TECPR2: variants seen among roughly 807,000 people sequenced by gnomAD.
TECPR2 encodes the protein tectonin beta-propeller repeat containing 2.
TECPR2 carries 65 observed loss-of-function variants against 138.1 expected under a neutral mutation model. The ratio of observed to expected loss-of-function variants is 0.47; its 90% CI spans 0.39 to 0.58. The LOEUF (loss-of-function observed/expected upper bound fraction) is 0.58, where lower values mean the gene tolerates loss of function less well. Ranked by LOEUF, TECPR2 falls within the 20% of genes least tolerant of loss-of-function variation. The pLI is 0.00. For missense variants in TECPR2, 1,553 were observed against 1,824.5 expected (o/e 0.85, Z 2.71); for synonymous variants, 746 against 749.8 (o/e 0.99, Z 0.08).
intron 2 of TECPR2, among the ~76,000 whole-genome samples, chr14:102,389,929 TG>T (rs1482706626): frequency 6.6e-6 from 1 of 152,208 alleles, no homozygotes; most frequent in Non-Finnish European, 1.5e-5. Context: ...TAAAAAGTTG[TG>T]TTAGTATTCA....
At position 102,501,184 on chromosome 14, in the gene TECPR2, G is replaced by A. The variant is rs993287128; in HGVS notation, c.*2927G>A. The A allele has an allele frequency of 6.6e-6, 1 of 152,236 alleles. No individual in the cohort carries two copies. The highest frequency in any genetic ancestry group is 1.5e-5 in the Non-Finnish European group (1 of 68,034). The allele number at this position is 152,236 out of a possible 1,614,324, so 9.4% of individuals were successfully genotyped here. A position where few individuals can be genotyped will look rare whatever the true frequency, so the allele number is the denominator to read the frequency against. On this transcript the variant is annotated 3_prime_UTR_variant, in exon 20 of 20. Transcript: ENST00000359520. Reference sequence around the variant, plus strand: ...GGCATCTCAGATGCGCTTAAGGAGCGGCGGGGGCGGGGCATGGGGGGTGTC... The same window carrying A: ...GGCATCTCAGATGCGCTTAAGGAGCAGCGGGGGCGGGGCATGGGGGGTGTC...
chr14:102,415,137 G>A lies in TECPR2; in HGVS notation c.638+344G>A, dbSNP rs1427098575. Among the ~76,000 whole-genome samples, 1 of 152,204 alleles carries A rather than the reference G, an allele frequency of 6.6e-6. No individual in the cohort carries two copies. The highest frequency in any genetic ancestry group is 1.5e-5 in the Non-Finnish European group (1 of 68,028). ...TCCACACAGCCCTGGTGAGGGGTCAGGGTTGTGGGGCTCACTCGTTATTCA... is the reference window on the plus strand; with the variant it reads ...TCCACACAGCCCTGGTGAGGGGTCAAGGTTGTGGGGCTCACTCGTTATTCA... On this transcript the variant is annotated intron_variant, in intron 5 of 19. Coordinates refer to ENST00000359520, the MANE Select transcript of TECPR2 (RefSeq NM_014844.5). The surrounding 1 kb of genome is among the most constrained non-coding windows in gnomAD (Gnocchi z 4.3).
At position 102,420,107 on chromosome 14, in the gene TECPR2, A is replaced by G. The variant is rs539736500; in HGVS notation, c.639-4872A>G. Among the ~76,000 whole-genome samples the G allele has an allele frequency of 1.3e-5, 2 of 152,294 alleles. No individual in the cohort carries two copies. Among genetic ancestry groups the G allele is most frequent in the South Asian group, 2.1e-4 (1 of 4,826 alleles). ...GCGTATCAGCTCTGTGGCACCATAC[A>G]TTATGCACAAAATCATAAAACACCA... On this transcript the variant is annotated intron_variant, in intron 5 of 19. Transcript: ENST00000359520. The surrounding 1 kb of genome is among the most constrained non-coding windows in gnomAD (Gnocchi z 4.1).
At chr14:102,397,719 C>A (rs1342176195) in intron 2 of TECPR2, among the ~76,000 whole-genome samples, 2 of 151,932 alleles carry the variant, frequency 1.3e-5, no homozygotes, top group Non-Finnish European at 2.9e-5. Context: ...TGCACTCCAG[C>A]CTGGGTAACA....
At chr14:102,439,609 C>T (rs1014867926) in intron 10 of TECPR2, among the ~76,000 whole-genome samples, 2 of 152,208 alleles carry the variant, frequency 1.3e-5, no homozygotes, top group African/African-American at 2.4e-5. Flanking sequence ...TCCCAGGCCC[C>T]TTGGTCCCTC....
At chr14:102,369,532 C>G (rs1887437906) in intron 1 of TECPR2, among the ~76,000 whole-genome samples, 1 of 151,990 alleles carries the variant, frequency 6.6e-6, no homozygotes, top group Admixed American at 6.6e-5. Context: ...TCAATTGATT[C>G]TTGTGCCTCA....
chr14:102,493,968 C>T (rs980770983), intron 17 of TECPR2, among the ~76,000 whole-genome samples: 11 of 152,230 alleles, frequency 7.2e-5, no homozygotes, highest in Non-Finnish European at 1.5e-5. Flanking sequence ...GTCCTCCGGG[C>T]ATCAACCCTA....
intron 1 of TECPR2, among the ~76,000 whole-genome samples, chr14:102,365,892 T>C (rs139328949): frequency 2.2e-3 from 341 of 152,320 alleles, no homozygotes; most frequent in African/African-American, 7.2e-3. Flanking sequence ...AGCAAGGAAG[T>C]GACAAAATTT....
chr14:102,444,030 C>T (rs555216678), intron 12 of TECPR2, among the ~76,000 whole-genome samples: 340 of 152,180 alleles, frequency 2.2e-3, no homozygotes, highest in Non-Finnish European at 3.5e-3. Flanking sequence ...AAAATGCTGC[C>T]GCCCTCTGCG....
At chr14:102,446,014 T>A in intron 13 of TECPR2, 67 bp downstream of exon 13, 6 of 1,519,340 alleles carry the variant, frequency 3.9e-6, no homozygotes, top group Non-Finnish European at 5.3e-6. Context: ...TTTTCTTACT[T>A]CTCTCTTTTC....
intron 1 of TECPR2, among the ~76,000 whole-genome samples, chr14:102,375,767 G>T (rs1887626454): frequency 6.6e-6 from 1 of 152,150 alleles, no homozygotes; most frequent in Admixed American, 6.6e-5. Flanking sequence ...AGCTGTGACT[G>T]TGCTGTTGTC....
At chr14:102,386,724 C>T (rs1043126998) in intron 2 of TECPR2, among the ~76,000 whole-genome samples, 16 of 152,046 alleles carry the variant, frequency 1.1e-4, no homozygotes, top group African/African-American at 2.4e-4. Flanking sequence ...ACATATTACA[C>T]GCATAAACAC....
intron 16 of TECPR2, among the ~76,000 whole-genome samples, chr14:102,456,371 G>C (rs1890276628): frequency 6.6e-6 from 1 of 152,188 alleles, no homozygotes; most frequent in African/African-American, 2.4e-5. Flanking sequence ...TGAAATGTCA[G>C]ATTAAGACTC....
At chr14:102,445,292 C>T (rs1889942225) in intron 12 of TECPR2, among the ~76,000 whole-genome samples, 1 of 152,208 alleles carries the variant, frequency 6.6e-6, no homozygotes, top group South Asian at 2.1e-4. Flanking sequence ...ACAGAATAGC[C>T]TGGCACATCG....
At chr14:102,448,448 T>G (rs185291643) in intron 13 of TECPR2, among the ~76,000 whole-genome samples, 64 of 152,316 alleles carry the variant, frequency 4.2e-4, no homozygotes, top group African/African-American at 1.5e-3. Flanking sequence ...ATGAATGCTT[T>G]TCAGGAATGT....
chr14:102,449,518 G>T, intron 13 of TECPR2, 111 bp from the exon 14 acceptor site: 1 of 1,494,510 alleles, frequency 6.7e-7, no homozygotes, highest in South Asian at 1.3e-5. Context: ...TGGTCATCTT[G>T]TTACTAGAAA....
At chr14:102,405,467 T>G (rs1888633642) in intron 2 of TECPR2, among the ~76,000 whole-genome samples, 1 of 151,814 alleles carries the variant, frequency 6.6e-6, no homozygotes, top group Non-Finnish European at 1.5e-5. Context: ...ATGTCAAAAC[T>G]ATACCCCACA....
At chr14:102,371,870 CATGATTT>C (rs1887516922) in intron 1 of TECPR2, among the ~76,000 whole-genome samples, 1 of 152,108 alleles carries the variant, frequency 6.6e-6, no homozygotes, top group Admixed American at 6.5e-5. Context: ...GGAAAATACT[CATGATTT>C]ATTAAGTGAA....
At chr14:102,426,860 A>T (rs117106952) in intron 6 of TECPR2, among the ~76,000 whole-genome samples, 1 of 152,216 alleles carries the variant, frequency 6.6e-6, no homozygotes, top group Non-Finnish European at 1.5e-5. Context: ...CTTCATTTGA[A>T]AAAAAGAAAA....
Sources: allele counts gnomAD v4.1 joint callset (sites outside exome capture counted in the v4.1 genomes callset), GRCh38; gene constraint gnomAD v4.1.1; non-coding constraint Gnocchi (gnomAD v3.1); transcripts MANE v1.5; gene names NCBI Gene and HGNC (gene_info 2026-07-23, HGNC 2026-07-21).